Variants in KCNIP4 observed in about 807,000 individuals in gnomAD.
KCNIP4 encodes Kv channel-interacting protein 4.
A neutral mutation model predicts 34.0 loss-of-function variants in KCNIP4; 12 were observed. The ratio of observed to expected loss-of-function variants is 0.35; its 90% CI spans 0.23 to 0.57. The LOEUF is 0.57. Among genes scored for constraint, KCNIP4 ranks in the 20% least tolerant of loss-of-function variants. KCNIP4 has a pLI of 0.83. For missense variants in KCNIP4, 238 were observed against 311.7 expected, an observed-to-expected ratio of 0.76 and a Z score of 1.78; for synonymous variants, 124 against 102.2, an observed-to-expected ratio of 1.21 and a Z score of -1.29.
At chr4:21,717,681 AAC>A (rs1246983981) in intron 1 of KCNIP4, among the ~76,000 whole-genome samples, 15 of 152,268 alleles carry the variant, frequency 9.9e-5, no homozygotes, top group Admixed American at 7.8e-4. Context: ...TACTGGGTTG[AAC>A]TGATCAGACT....
At chr4:21,276,436 A>T (rs888435957) in intron 1 of KCNIP4, among the ~76,000 whole-genome samples, 12 of 148,518 alleles carry the variant, frequency 8.1e-5, no homozygotes, top group Non-Finnish European at 4.4e-5. Flanking sequence ...GCTTGACTTC[A>T]AGTAGTGATC....
chr4:21,885,546 CG>C (rs1302294652), intron 1 of KCNIP4, among the ~76,000 whole-genome samples: 1 of 152,098 alleles, frequency 6.6e-6, no homozygotes, highest in African/African-American at 2.4e-5. Flanking sequence ...TTTCTTGCCA[CG>C]GGTTCTATTC....
intron 3 of KCNIP4, chr4:20,850,293 C>A (rs1237309035): frequency 3.4e-6 from 1 of 297,756 alleles, no homozygotes; most frequent in African/African-American, 2.1e-5. Flanking sequence ...ATATTTCAAC[C>A]AAGAACTGAA....
At chr4:21,223,740 G>T (rs1173875024) in intron 1 of KCNIP4, among the ~76,000 whole-genome samples, 1 of 152,166 alleles carries the variant, frequency 6.6e-6, no homozygotes, top group Admixed American at 6.5e-5. Flanking sequence ...ATCTATCGGT[G>T]TTAAATTTCT....
chr4:21,918,593 G>A lies in KCNIP4; in HGVS notation c.61+29978C>T, dbSNP rs538216986. Among the ~76,000 whole-genome samples, 21 of 152,236 alleles carry A rather than the reference G, an allele frequency of 1.4e-4. No homozygotes were observed. The South Asian group carries it at 4.1e-3, about 30-fold the overall frequency. ...ATTCACCTTAACTTAGAGACCTTAT[G>A]CCCACCAAGGTAGAAGAATACTAAC... is the stretch of plus-strand genomic sequence containing the variant. On this transcript the variant is annotated intron_variant, in intron 1 of 8. Transcript: ENST00000382152.
At chr4:21,618,451 A>G (rs995500015) in intron 1 of KCNIP4, among the ~76,000 whole-genome samples, 2 of 152,150 alleles carry the variant, frequency 1.3e-5, no homozygotes, top group African/African-American at 4.8e-5. Flanking sequence ...CAAAATAGAC[A>G]AAGTAATCAA....
At chr4:20,875,253 G>C (rs1723889779) in intron 2 of KCNIP4, among the ~76,000 whole-genome samples, 1 of 152,112 alleles carries the variant, frequency 6.6e-6, no homozygotes, top group Admixed American at 6.6e-5. Context: ...CTAGAGAATT[G>C]GTAAAGTACA....
chr4:21,887,335 C>T (rs1726834627), intron 1 of KCNIP4, among the ~76,000 whole-genome samples: 1 of 152,048 alleles, frequency 6.6e-6, no homozygotes, highest in African/African-American at 2.4e-5. Context: ...CTGGTTGTAT[C>T]CTCACTTGGA....
chr4:20,802,264 CTATATATATGCTA>C lies in KCNIP4; in HGVS notation c.289-43387_289-43375del, dbSNP rs1405478464. On this transcript the variant is annotated intron_variant, in intron 3 of 8. Coordinates refer to ENST00000382152, the MANE Select transcript of KCNIP4 (RefSeq NM_025221.6). ...ATGCTATATATATGCTACATATATG[CTATATATATGCTA>C]TATATATATGCAATATATATATGCA... Among the ~76,000 whole-genome samples, 90 of 88,542 alleles carry C rather than the reference CTATATATATGCTA, an allele frequency of 1.0e-3. 5 individuals carry two copies. Among genetic ancestry groups the C allele is most frequent in the African/African-American group, 3.1e-3 (85 of 27,840 alleles). 58.1% of individuals were successfully genotyped at this position (88,542 alleles called of 152,430 possible).
At chr4:21,398,492 TC>T (rs1365664681) in intron 1 of KCNIP4, among the ~76,000 whole-genome samples, 1 of 152,174 alleles carries the variant, frequency 6.6e-6, no homozygotes, top group Non-Finnish European at 1.5e-5. Context: ...CGTTTTGCTC[TC>T]CCATAAATTA....
intron 1 of KCNIP4, among the ~76,000 whole-genome samples, chr4:21,777,838 A>G (rs4568228): frequency 0.75 from 113,571 of 152,152 alleles, 44,138 homozygotes; most frequent in African/African-American, 0.91. Context: ...TACACTTTTT[A>G]TGATTTTCCT....
chr4:21,765,677 A>G (rs895485619), intron 1 of KCNIP4, among the ~76,000 whole-genome samples: 1 of 150,610 alleles, frequency 6.6e-6, no homozygotes, highest in East Asian at 2.0e-4. Flanking sequence ...TATTGCTCAG[A>G]CTGGTCTTGA....
chr4:21,468,552 T>C (rs1348763335), intron 1 of KCNIP4, among the ~76,000 whole-genome samples: 2 of 152,146 alleles, frequency 1.3e-5, no homozygotes, highest in Admixed American at 6.6e-5. Context: ...GGCTGTGGGG[T>C]TGGCTCTTCA....
chr4:21,312,138 A>G lies in KCNIP4; in HGVS notation c.62-429429T>C, dbSNP rs73113169. On this transcript the variant is annotated intron_variant, in intron 1 of 8. Coordinates refer to ENST00000382152, the MANE Select transcript of KCNIP4 (RefSeq NM_025221.6). The stretch of plus-strand genomic sequence containing the variant: ...TGGAGGAACAATAGACAGGGACTCA[A>G]ACAACTCATTTGAGCTGTACATTAC... Among the ~76,000 whole-genome samples, 1,329 of 152,334 alleles carry G rather than the reference A, an allele frequency of 8.7e-3. 11 individuals are homozygous for G. The highest frequency in any genetic ancestry group is 0.022 in the African/African-American group (927 of 41,578).
chr4:21,727,812 G>C (rs543672018), intron 1 of KCNIP4, among the ~76,000 whole-genome samples: 1 of 152,164 alleles, frequency 6.6e-6, no homozygotes, highest in Non-Finnish European at 1.5e-5. Flanking sequence ...CTGGGCAACA[G>C]AGCAAGATTC....
At chr4:20,941,131 G>A (rs565427151) in intron 1 of KCNIP4, among the ~76,000 whole-genome samples, 1 of 152,196 alleles carries the variant, frequency 6.6e-6, no homozygotes, top group Non-Finnish European at 1.5e-5. Context: ...GGATAGGAAA[G>A]CCTAAAAGAA....
chr4:20,867,679 T>G (rs1257271517), intron 2 of KCNIP4, among the ~76,000 whole-genome samples: 1 of 152,092 alleles, frequency 6.6e-6, no homozygotes, highest in East Asian at 1.9e-4. Flanking sequence ...AAGTGGGACC[T>G]AATTAAACTC....
intron 1 of KCNIP4, among the ~76,000 whole-genome samples, chr4:21,065,923 G>A (rs1193324202): frequency 6.6e-6 from 1 of 151,650 alleles, no homozygotes; most frequent in African/African-American, 2.4e-5. Flanking sequence ...TGTGATTTTA[G>A]GATTTAGATA....
intron 1 of KCNIP4, among the ~76,000 whole-genome samples, chr4:21,654,709 G>T (rs1273133895): frequency 6.6e-6 from 1 of 152,200 alleles, no homozygotes; most frequent in African/African-American, 2.4e-5. Flanking sequence ...AGATCACGAG[G>T]TCAGGAGATC....
Sources: allele counts gnomAD v4.1 joint callset (sites outside exome capture counted in the v4.1 genomes callset), GRCh38; gene constraint gnomAD v4.1.1; transcripts MANE v1.5; gene names NCBI Gene and HGNC (gene_info 2026-07-23, HGNC 2026-07-21).